FAM234A: variants seen among roughly 807,000 people sequenced by gnomAD.
FAM234A encodes family with sequence similarity 234 member A, also known as protein FAM234A.
FAM234A carries 42 observed loss-of-function variants against 49.1 expected under a neutral mutation model. The observed-to-expected ratio is 0.86, with a 90% CI of 0.67 to 1.11. FAM234A has a LOEUF of 1.11. Ranked by LOEUF, FAM234A falls within the 50% of genes least tolerant of loss-of-function variation. FAM234A has a pLI of 0.00. For synonymous variants in FAM234A, 369 were observed against 316.2 expected, an observed-to-expected ratio of 1.17 and a Z score of -1.77; for missense variants, 815 against 745.2, an observed-to-expected ratio of 1.09 and a Z score of -1.09.
intron 1 of FAM234A, among the ~76,000 whole-genome samples, chr16:245,859 A>C (rs1459269328): frequency 1.3e-5 from 2 of 152,174 alleles, no homozygotes; most frequent in Non-Finnish European, 1.5e-5. Context: ...TTCCCTAACA[A>C]TACATAAACA....
At chr16:257,273 T>G (rs1161629357) in intron 3 of FAM234A, among the ~76,000 whole-genome samples, 1 of 144,612 alleles carries the variant, frequency 6.9e-6, no homozygotes, top group African/African-American at 2.6e-5. Flanking sequence ...GGAGACAGTC[T>G]TGCTCTGTCA....
chr16:247,265 G>A (rs60616598), intron 1 of FAM234A, among the ~76,000 whole-genome samples: 8,140 of 151,622 alleles, frequency 0.054, 823 homozygotes, highest in African/African-American at 0.19. Context: ...GGGTAGCTAA[G>A]ACCACAGGCG....
rs999186072 is a variant in FAM234A, at chr16:265,566, G to C, written c.*544G>C. 1 of 985,700 alleles carries C rather than the reference G, an allele frequency of 1.0e-6. No homozygotes were observed. Among genetic ancestry groups the C allele is most frequent in the Non-Finnish European group, 1.2e-6 (1 of 830,282 alleles). 61.1% of individuals were successfully genotyped at this position (985,700 alleles called of 1,614,324 possible). On this transcript the variant is annotated 3_prime_UTR_variant, in exon 13 of 13. Coordinates refer to ENST00000399932, the MANE Select transcript of FAM234A (RefSeq NM_032039.4). ...GGGAACCTGAGACAGCTCCAGCTTC[G>C]CAGCCCTTCCCGGAGCTACAGGGGG... is the stretch of plus-strand genomic sequence containing the variant.
At chr16:247,488 G>A (rs560400218) in intron 1 of FAM234A, among the ~76,000 whole-genome samples, 8 of 151,352 alleles carry the variant, frequency 5.3e-5, no homozygotes, top group African/African-American at 1.9e-4. Flanking sequence ...GCTTGAGTGC[G>A]ATGGCTCAAT....
chr16:256,840 T>C (rs2051253590), intron 3 of FAM234A, among the ~76,000 whole-genome samples: 2 of 151,966 alleles, frequency 1.3e-5, no homozygotes, highest in South Asian at 4.2e-4. Flanking sequence ...CCTCCCAGAT[T>C]CAAGTGATTC....
At chr16:250,507 C>T (rs2050963031) in intron 2 of FAM234A, among the ~76,000 whole-genome samples, 1 of 152,156 alleles carries the variant, frequency 6.6e-6, no homozygotes. Context: ...TAACTCACTG[C>T]CTTTGATAAG....
chr16:238,734 C>A (rs906382149), intron 1 of FAM234A, among the ~76,000 whole-genome samples: 1 of 136,694 alleles, frequency 7.3e-6, no homozygotes, highest in Admixed American at 8.0e-5. Flanking sequence ...CCACTGCACT[C>A]CAGCCTGGGC....
rs1039199567 is a variant in FAM234A at position 254,452 on chromosome 16, C to A, written c.39C>A (p.Pro13=). 6.2e-7 allele frequency: 1 copy of A among 1,614,052 alleles called. No homozygotes were observed. Among genetic ancestry groups the A allele is most frequent in the Non-Finnish European group, 8.5e-7 (1 of 1,180,046 alleles). ...AGGACTTAGAGGCCGAAATCCACCC[C>A]TTGAAAAATGAAGAAAGAAAATCGC... ...DHKDLEAEIH[P]LKNEERKSQE... is the part of the protein sequence containing the mutation. Residue 13 remains proline, a synonymous_variant, in exon 3 of 13, where the codon CCC becomes CCA. Transcript: ENST00000399932.
intron 1 of FAM234A, among the ~76,000 whole-genome samples, chr16:237,868 T>C (rs994715498): frequency 6.6e-6 from 1 of 151,846 alleles, no homozygotes; most frequent in Admixed American, 6.6e-5. Flanking sequence ...CACGCCCAGC[T>C]ATTTTTTTTA....
intron 1 of FAM234A, among the ~76,000 whole-genome samples, chr16:241,774 G>A (rs966214207): frequency 6.6e-6 from 1 of 151,094 alleles, no homozygotes; most frequent in Non-Finnish European, 1.5e-5. Context: ...AAAATTAGCC[G>A]GGCTTGGTGG....
In FAM234A at chr16:260,095, A is replaced by G; in HGVS notation, c.512A>G (p.Glu171Gly). The G allele has an allele frequency of 6.2e-7, 1 of 1,613,856 alleles. No homozygotes were observed. Among genetic ancestry groups the G allele is most frequent in the Non-Finnish European group, 8.5e-7 (1 of 1,179,976 alleles). The stretch of plus-strand genomic sequence containing the variant: ...GCTGTGCCCCAGCCAAGAGGCAGTG[A>G]GGCACCTTCTGCCTGCATCCTGGTG... ...ECAVPQPRGSEAPSACILVGR... is the reference protein window; with the variant it reads ...ECAVPQPRGSGAPSACILVGR... The change falls in exon 5 of 13, where the codon GAG (glutamate) becomes GGG (glycine). Residue 171 changes from glutamate to glycine, a missense_variant. Physicochemically the swap from Glu to Gly is moderately conservative, Grantham distance 98 (BLOSUM62 -2). Coordinates refer to ENST00000399932, the MANE Select transcript of FAM234A (RefSeq NM_032039.4).
At chr16:238,572 C>T (rs951676450) in intron 1 of FAM234A, among the ~76,000 whole-genome samples, 2 of 151,900 alleles carry the variant, frequency 1.3e-5, no homozygotes, top group Admixed American at 6.6e-5. Context: ...CGAGACCATC[C>T]TGGCTAACAC....
intron 3 of FAM234A, among the ~76,000 whole-genome samples, chr16:257,236 C>CTTTT (rs759071082): frequency 1.2e-4 from 11 of 89,012 alleles, no homozygotes; most frequent in East Asian, 3.4e-4. Context: ...TCAATGAAGT[C>CTTTT]TTTTTTTTTT....
chr16:244,920 G>A (rs562977218), intron 1 of FAM234A, among the ~76,000 whole-genome samples: 3 of 150,646 alleles, frequency 2.0e-5, no homozygotes, highest in African/African-American at 4.9e-5. Flanking sequence ...TCAAACTCCC[G>A]ACCTCAGGTG....
chr16:236,781 C>A (rs527402611), intron 1 of FAM234A, among the ~76,000 whole-genome samples: 2 of 124,388 alleles, frequency 1.6e-5, no homozygotes, highest in African/African-American at 5.4e-5. Flanking sequence ...TGGCGGGCGC[C>A]TGTAGTCCCA....
At chr16:248,380 A>G (rs1410832576) in intron 1 of FAM234A, 1 of 152,074 alleles carries the variant, frequency 6.6e-6, no homozygotes, top group East Asian at 1.9e-4. Flanking sequence ...AACATGACAA[A>G]TCATGCTGTA....
At chr16:259,712 A>G (rs1312065379) in intron 4 of FAM234A, 113 bp downstream of exon 4, 1 of 780,450 alleles carries the variant, frequency 1.3e-6, no homozygotes, top group African/African-American at 1.7e-5. Context: ...GTGTTTCTGG[A>G]ACCCATCTCG....
downstream of FAM234A, among the ~76,000 whole-genome samples, chr16:266,661 C>T (rs867282585): frequency 6.6e-5 from 10 of 152,274 alleles, no homozygotes; most frequent in African/African-American, 1.2e-4. Context: ...CCTTCCAAGG[C>T]GTGGTAGGGG....
chr16:267,122 C>A (rs987352033), downstream of FAM234A, among the ~76,000 whole-genome samples: 10 of 152,224 alleles, frequency 6.6e-5, no homozygotes, highest in Admixed American at 6.5e-4. Context: ...GTGGTCACTG[C>A]GGGCCCTAGA....
Sources: gnomAD v4.1 joint callset for allele counts (sites outside exome capture counted in the v4.1 genomes callset) on GRCh38, gnomAD v4.1.1 for gene constraint, MANE v1.5 for transcripts, NCBI Gene and HGNC (gene_info 2026-07-23, HGNC 2026-07-21) for gene names.